Variants in CCNH observed in about 807,000 individuals in gnomAD.
The protein encoded by CCNH is cyclin H.
A neutral mutation model predicts 41.9 loss-of-function variants in CCNH; 31 were observed. That is an observed-to-expected ratio of 0.74 (90% CI 0.56 to 1.00). The LOEUF is 1.00. CCNH is among the 50% of genes least tolerant of loss of function. The pLI is 0.00. For synonymous variants in CCNH, 138 were observed against 136.1 expected (o/e 1.01, Z -0.10); for missense variants, 362 against 388.4 (o/e 0.93, Z 0.57).
chr5:87,352,559 G>A (rs1199091061), intron 9 of CCNH, among the ~76,000 whole-genome samples: 1 of 151,240 alleles, frequency 6.6e-6, no homozygotes, highest in Non-Finnish European at 1.5e-5. Context: ...TTATTTTTTT[G>A]TAATATTTTC....
downstream of CCNH, chr5:87,372,046 A>AG: frequency 7.0e-7 from 1 of 1,438,250 alleles, no homozygotes; most frequent in Non-Finnish European, 9.6e-7. Flanking sequence ...TTTGAAAAAA[A>AG]AAACCTAACT....
chr5:87,403,565 C>A (rs1763572943), intron 5 of CCNH, among the ~76,000 whole-genome samples: 1 of 152,116 alleles, frequency 6.6e-6, no homozygotes, highest in Non-Finnish European at 1.5e-5. Flanking sequence ...CTACTCGAGT[C>A]TAGGAGTGAC....
At position 87,369,147 on chromosome 5, in the gene CCNH, C is replaced by T. The variant is rs1183468551; in HGVS notation, c.*90+23623G>A. ...AGTAACATTTATTGAGTTCCAAAAA[C>T]ATGCAGGCCCTTAATAAAGATTTTA... On this transcript the variant is annotated intron_variant and NMD_transcript_variant, in intron 9 of 9. Transcript: ENST00000645953. Among the ~76,000 whole-genome samples, 3 of 152,114 alleles carry T rather than the reference C, an allele frequency of 2.0e-5. No homozygotes were observed. In the East Asian group the frequency reaches 5.8e-4, roughly 29 times the overall value.
chr5:87,363,570 A>G, intron 9 of CCNH: 1 of 1,542,776 alleles, frequency 6.5e-7, no homozygotes, highest in Non-Finnish European at 8.9e-7. Context: ...CAAACAAAGC[A>G]AACCAATTTT....
downstream of CCNH, chr5:87,389,192 A>T: frequency 4.0e-6 from 2 of 501,956 alleles, no homozygotes; most frequent in Admixed American, 3.3e-5. Context: ...TTAGCTGGGC[A>T]TGGTGGCAGG....
At chr5:87,381,887 T>C (rs79963785), upstream of CCNH, among the ~76,000 whole-genome samples, 1,804 of 152,310 alleles carry the variant, frequency 0.012, 28 homozygotes, top group African/African-American at 0.041. Context: ...CTATGTATAA[T>C]TATCACAATA....
Position 87,412,819 on chromosome 5 carries a change from G to C in CCNH, c.-25C>G, listed in dbSNP as rs766703143. ...TTATGGAATCGTGACCAGGTCCAGA[G>C]GGTCTGCAGACGAGAACCCAAACGC... On this transcript the variant is annotated 5_prime_UTR_variant, in exon 1 of 9. Transcript: ENST00000256897. The C allele has an allele frequency of 1.8e-5, 29 of 1,609,720 alleles. 1 individual carries two copies. The South Asian group carries it at 3.2e-4, about 18-fold the overall frequency.
upstream of CCNH, chr5:87,378,408 C>T (rs1387140897): frequency 6.2e-7 from 1 of 1,613,060 alleles, no homozygotes; most frequent in Non-Finnish European, 8.5e-7. Flanking sequence ...GAAGCCACTA[C>T]CCTATTTCGA....
intron 7 of CCNH, among the ~76,000 whole-genome samples, chr5:87,396,683 A>T (rs958401693): frequency 6.6e-6 from 1 of 152,126 alleles, no homozygotes; most frequent in Non-Finnish European, 1.5e-5. Context: ...AGCAATACAG[A>T]TGAAATATAA....
At chr5:87,350,732 T>C (rs1434486225) in intron 9 of CCNH, among the ~76,000 whole-genome samples, 1 of 151,540 alleles carries the variant, frequency 6.6e-6, no homozygotes, top group Non-Finnish European at 1.5e-5. Flanking sequence ...AAAAAAAAAG[T>C]TAAATGTATG....
At chr5:87,338,442 G>A (rs898183897) in intron 9 of CCNH, among the ~76,000 whole-genome samples, 2 of 144,524 alleles carry the variant, frequency 1.4e-5, no homozygotes, top group Middle Eastern at 3.8e-3. Flanking sequence ...AGCATTTCTC[G>A]TGCCTCAGCC....
Position 87,401,689 on chromosome 5 carries a change from C to T in CCNH, c.760+13G>A. 1.3e-6 allele frequency: 2 copies of T among 1,518,268 alleles called. No homozygotes were observed. The highest frequency in any genetic ancestry group is 1.8e-6 in the Non-Finnish European group (2 of 1,111,322). The allele number at this position is 1,518,268 out of a possible 1,614,324, so 94.0% of individuals were successfully genotyped here. A position where few individuals can be genotyped will look rare whatever the true frequency, so the allele number is the denominator to read the frequency against. ...TGGAAGAAACATTTTGTAAAGTGTT[C>T]TCTTTTACTTACTTTTCATTATATC... On this transcript the variant is annotated intron_variant, in intron 6 of 8. Coordinates refer to ENST00000256897, the MANE Select transcript of CCNH (RefSeq NM_001239.4).
chr5:87,363,518 T>C lies in CCNH; in HGVS notation c.*90+29252A>G. 6.2e-7 allele frequency: 1 copy of C among 1,606,778 alleles called. No individual in the cohort carries two copies. Among genetic ancestry groups the C allele is most frequent in the Non-Finnish European group, 8.5e-7 (1 of 1,173,836 alleles). On this transcript the variant is annotated intron_variant and NMD_transcript_variant, in intron 9 of 9. Coordinates refer to the CCNH transcript ENST00000645953. ...TCTCTTTGGCAGGTAAGAGACTGGT[T>C]TCCTATTTTTCTTTCGGAATTGTCT... is the stretch of plus-strand genomic sequence containing the variant.
At position 87,411,112 on chromosome 5, in the gene CCNH, T is replaced by C. The variant is rs1053060056; in HGVS notation, c.240+112A>G. ...AAATATATAATGTGCCAAAAACTAA[T>C]TAATTGTAACTAAGGTGAATTTTTA... is the stretch of plus-strand genomic sequence containing the variant. On this transcript the variant is annotated intron_variant, in intron 2 of 8. Coordinates refer to ENST00000256897, the MANE Select transcript of CCNH (RefSeq NM_001239.4). The C allele has an allele frequency of 1.5e-5, 17 of 1,108,398 alleles. No individual in the cohort carries two copies. The African/African-American group carries it at 2.1e-4, about 14-fold the overall frequency. 68.7% of individuals were successfully genotyped at this position (1,108,398 alleles called of 1,614,324 possible).
At chr5:87,403,228 GA>G (rs72291520) in intron 5 of CCNH, among the ~76,000 whole-genome samples, 51,750 of 124,346 alleles carry the variant, frequency 0.42, 9,545 homozygotes, top group South Asian at 0.56. Context: ...TTCCCTAAAG[GA>G]AAAAAAAAAA....
At chr5:87,392,229 G>A (rs553251123), downstream of CCNH, 8 of 456,088 alleles carry the variant, frequency 1.8e-5, no homozygotes, top group African/African-American at 1.6e-4. Flanking sequence ...GATTCCAAGA[G>A]CAACACTTTA....
upstream of CCNH, chr5:87,379,721 A>C: frequency 4.3e-6 from 7 of 1,610,938 alleles, no homozygotes; most frequent in Non-Finnish European, 5.9e-6. Context: ...ATATTGATTT[A>C]TTCCTTCTTT....
chr5:87,317,648 T>C (rs1184197271), downstream of CCNH, among the ~76,000 whole-genome samples: 1 of 150,946 alleles, frequency 6.6e-6, no homozygotes, highest in Non-Finnish European at 1.5e-5. Context: ...TTTTTTTTTT[T>C]CTTTTGAGAC....
intron 9 of CCNH, chr5:87,330,891 C>T: frequency 8.4e-7 from 1 of 1,189,338 alleles, no homozygotes; most frequent in South Asian, 2.2e-5. Flanking sequence ...TTTCCTGTCG[C>T]AGGGCACAAA....
Sources: allele counts gnomAD v4.1 joint callset (sites outside exome capture counted in the v4.1 genomes callset), GRCh38; gene constraint gnomAD v4.1.1; transcripts MANE v1.5; gene names NCBI Gene and HGNC (gene_info 2026-07-23, HGNC 2026-07-21).